Variants in C12orf75 observed in about 807,000 individuals in gnomAD.
The protein encoded by C12orf75 is overexpressed in colon carcinoma 1 protein.
In C12orf75, 4 loss-of-function variants were observed where a neutral mutation model predicts 11.4. The ratio of observed to expected loss-of-function variants is 0.35; its 90% CI spans 0.17 to 0.80. The LOEUF is 0.80. Among genes scored for constraint, C12orf75 ranks in the 30% least tolerant of loss-of-function variants. The pLI is 0.52. For missense variants in C12orf75, 89 were observed against 80.4 expected (o/e 1.11, Z -0.41); for synonymous variants, 30 against 30.0 (o/e 1.00, Z 0.00).
In C12orf75 at chr12:105,369,801, A is replaced by G. The variant is rs1871579613; in HGVS notation, c.*34-833A>G. Among the ~76,000 whole-genome samples the G allele has an allele frequency of 3.3e-5, 5 of 152,220 alleles. No individual in the cohort carries two copies. The South Asian group carries it at 8.3e-4, about 25-fold the overall frequency. On this transcript the variant is annotated intron_variant, in intron 5 of 5. Coordinates refer to ENST00000443585, the MANE Select transcript of C12orf75 (RefSeq NM_001145199.2). ...AGTTTTCTAAGTTGATAGGCTGCCC[A>G]TTTTCCTTAGATGCTAAGCATCCAT...
intron 1 of C12orf75, among the ~76,000 whole-genome samples, chr12:105,339,440 G>T (rs1892539581): frequency 1.4e-5 from 2 of 142,516 alleles, no homozygotes; most frequent in South Asian, 2.3e-4. Flanking sequence ...TTTTATTTCG[G>T]GTGTGTGTGT....
At chr12:105,361,493 T>C (rs558001700) in intron 2 of C12orf75, among the ~76,000 whole-genome samples, 2 of 152,254 alleles carry the variant, frequency 1.3e-5, no homozygotes, top group African/African-American at 4.8e-5. Context: ...GCCACTTCTC[T>C]TACCAAAAAA....
At chr12:105,332,913 T>G (rs1369554016) in intron 1 of C12orf75, among the ~76,000 whole-genome samples, 2 of 140,920 alleles carry the variant, frequency 1.4e-5, no homozygotes, top group South Asian at 4.5e-4. Flanking sequence ...TCTTATCACC[T>G]AAAGGGAAGT....
At chr12:105,340,161 C>T (rs185354057) in intron 1 of C12orf75, among the ~76,000 whole-genome samples, 47 of 151,770 alleles carry the variant, frequency 3.1e-4, no homozygotes, top group African/African-American at 1.1e-3. Context: ...CGTGGTGGCT[C>T]ACGCCTGTAA....
intron 1 of C12orf75, among the ~76,000 whole-genome samples, chr12:105,346,696 T>G (rs1892645484): frequency 6.6e-6 from 1 of 152,254 alleles, no homozygotes; most frequent in African/African-American, 2.4e-5. Context: ...GTTTGAGACA[T>G]AGCCTCAATT....
intron 1 of C12orf75, among the ~76,000 whole-genome samples, chr12:105,338,517 G>T (rs915303534): frequency 6.6e-6 from 1 of 152,122 alleles, no homozygotes; most frequent in Non-Finnish European, 1.5e-5. Context: ...GCTTGTCTTA[G>T]TTCATTTTTG....
At chr12:105,360,172 T>C (rs1292378695) in intron 2 of C12orf75, among the ~76,000 whole-genome samples, 3 of 152,244 alleles carry the variant, frequency 2.0e-5, no homozygotes, top group Admixed American at 6.5e-5. Context: ...CTGGCTGCTA[T>C]TCTCACAAGG....
intron 2 of C12orf75, among the ~76,000 whole-genome samples, chr12:105,360,294 A>G (rs1892843800): frequency 6.6e-6 from 1 of 152,212 alleles, no homozygotes; most frequent in Non-Finnish European, 1.5e-5. Flanking sequence ...TGCAGTGGTC[A>G]CTGCCCTACA....
At chr12:105,333,748 A>C (rs1892466446) in intron 1 of C12orf75, among the ~76,000 whole-genome samples, 1 of 152,208 alleles carries the variant, frequency 6.6e-6, no homozygotes, top group Non-Finnish European at 1.5e-5. Flanking sequence ...GCACACTGTA[A>C]ACTGTAATTA....
rs76305663 is a variant in C12orf75, at chr12:105,357,442, T to G, written c.72-8365T>G. On this transcript the variant is annotated intron_variant, in intron 2 of 5. Coordinates refer to ENST00000443585, the MANE Select transcript of C12orf75 (RefSeq NM_001145199.2). Reference sequence around the variant, plus strand: ...AAGGTACATATCACTAAACAGTATCTTACTCTACAAGAGTGAGTCATGTTT... The same window carrying G: ...AAGGTACATATCACTAAACAGTATCGTACTCTACAAGAGTGAGTCATGTTT... Among the ~76,000 whole-genome samples, 144 of 152,342 alleles carry G rather than the reference T, an allele frequency of 9.5e-4. 6 individuals carry two copies. In the East Asian group the frequency reaches 0.024, roughly 25 times the overall value.
intron 2 of C12orf75, among the ~76,000 whole-genome samples, chr12:105,364,631 T>A (rs1871409339): frequency 6.6e-6 from 1 of 152,184 alleles, no homozygotes; most frequent in Non-Finnish European, 1.5e-5. Flanking sequence ...GAAGAGTCAA[T>A]GACATTTAGA....
At chr12:105,349,901 A>G (rs1172322331) in intron 2 of C12orf75, among the ~76,000 whole-genome samples, 1 of 152,136 alleles carries the variant, frequency 6.6e-6, no homozygotes, top group Non-Finnish European at 1.5e-5. Context: ...AAAGAGTCAG[A>G]CTTTCTTATT....
intron 2 of C12orf75, among the ~76,000 whole-genome samples, chr12:105,356,962 A>G (rs932698805): frequency 1.3e-5 from 2 of 152,220 alleles, no homozygotes; most frequent in African/African-American, 4.8e-5. Flanking sequence ...ATAGGCATGC[A>G]AAAAATACAT....
At chr12:105,344,460 C>T (rs1277795292) in intron 1 of C12orf75, among the ~76,000 whole-genome samples, 4 of 152,060 alleles carry the variant, frequency 2.6e-5, no homozygotes, top group African/African-American at 7.2e-5. Context: ...GTTGAGGACT[C>T]GGCCGGGTGT....
rs538576531 is a variant in C12orf75 at position 105,366,661 on chromosome 12, A to G, written c.152A>G (p.Asn51Ser). The change falls in exon 4 of 6, where the codon AAT becomes AGT. Residue 51 changes from asparagine (N) to serine (S), a missense_variant. Physicochemically the swap from Asn to Ser is conservative, Grantham distance 46. Transcript: ENST00000443585. ...VYVGLPSEAVNMVSSQTKTVR... is the reference protein window; with the variant it reads ...VYVGLPSEAVSMVSSQTKTVR... Reference sequence around the variant, plus strand: ...GTTGGCCTACCATCTGAAGCTGTCAATATGGTGTCCAGTCAAACAAAGACG... The same window carrying G: ...GTTGGCCTACCATCTGAAGCTGTCAGTATGGTGTCCAGTCAAACAAAGACG... 78 of 1,545,028 alleles carry G rather than the reference A, an allele frequency of 5.0e-5. No individual in the cohort carries two copies. The highest frequency in any genetic ancestry group is 1.4e-4 in the African/African-American group (10 of 73,054).
chr12:105,360,412 C>T (rs2136149916), intron 2 of C12orf75, among the ~76,000 whole-genome samples: 1 of 152,326 alleles, frequency 6.6e-6, no homozygotes, highest in East Asian at 1.9e-4. Flanking sequence ...TGAGCATGGC[C>T]ATTTCCAGCA....
chr12:105,330,979 A>C, intron 1 of C12orf75, 42 bp downstream of exon 1: 1 of 1,121,030 alleles, frequency 8.9e-7, no homozygotes, highest in Non-Finnish European at 1.1e-6. Flanking sequence ...GGCGGGCGGG[A>C]GAGGCGGCGG....
rs77310165 is a variant in C12orf75, at chr12:105,356,439, C to CTTT, written c.71+7832_71+7834dup. On this transcript the variant is annotated intron_variant, in intron 2 of 5. Coordinates refer to ENST00000443585, the MANE Select transcript of C12orf75 (RefSeq NM_001145199.2). ...ATAGGGAAAAAGAAAAGACTACAGGCTTTTTTTTTTTTTTTTTTTTTGCTT... is the reference window on the plus strand; with the variant it reads ...ATAGGGAAAAAGAAAAGACTACAGGCTTTTTTTTTTTTTTTTTTTTTTTTGCTT... Among the ~76,000 whole-genome samples, 77 of 106,266 alleles carry CTTT rather than the reference C, an allele frequency of 7.2e-4. 1 individual carries two copies. The highest frequency in any genetic ancestry group is 1.8e-3 in the African/African-American group (54 of 30,132). The allele number at this position is 106,266 out of a possible 152,430, so 69.7% of individuals were successfully genotyped here. A position where few individuals can be genotyped will look rare whatever the true frequency, so the allele number is the denominator to read the frequency against.
At chr12:105,369,934 A>G (rs1010080276) in intron 5 of C12orf75, among the ~76,000 whole-genome samples, 3 of 152,214 alleles carry the variant, frequency 2.0e-5, no homozygotes, top group African/African-American at 7.2e-5. Context: ...CATGGAAAGA[A>G]TTGGAGACAC....
Sources: allele counts gnomAD v4.1 joint callset (sites outside exome capture counted in the v4.1 genomes callset), GRCh38; gene constraint gnomAD v4.1.1; transcripts MANE v1.5; gene names NCBI Gene and HGNC (gene_info 2026-07-23, HGNC 2026-07-21).